Variants in FKTN observed in about 807,000 individuals in gnomAD.
FKTN encodes the protein ribitol-5-phosphate transferase FKTN.
A neutral mutation model predicts 58.6 loss-of-function variants in FKTN; 47 were observed. The ratio of observed to expected loss-of-function variants is 0.80; its 90% CI spans 0.63 to 1.02. The LOEUF is 1.02. Among genes scored for constraint, FKTN ranks in the 50% least tolerant of loss-of-function variants. The probability of loss-of-function intolerance (pLI) is 0.00; values close to 1 mark genes in which losing one functional copy is unlikely to be tolerated. For missense variants in FKTN, 516 were observed against 537.3 expected (o/e 0.96, Z 0.39); for synonymous variants, 178 against 191.9 (o/e 0.93, Z 0.60).
intron 5 of FKTN, among the ~76,000 whole-genome samples, chr9:105,601,590 T>G (rs1827882962): frequency 6.6e-6 from 1 of 152,214 alleles, no homozygotes; most frequent in African/African-American, 2.4e-5. Context: ...AGCTAGCCAC[T>G]GATGTCAGGA....
In FKTN at chr9:105,615,374, G is replaced by C. The variant is rs146900302; in HGVS notation, c.877G>C (p.Val293Leu). 4.3e-5 allele frequency: 70 copies of C among 1,613,872 alleles called. No homozygotes were observed. Among genetic ancestry groups the C allele is most frequent in the Non-Finnish European group, 5.8e-5 (68 of 1,179,862 alleles). The change falls in exon 8 of 11, where the codon GTA (valine) becomes CTA (leucine). Residue 293 changes from valine to leucine, a missense_variant. By Grantham distance (32) the Val-to-Leu change is conservative. Transcript: ENST00000357998. ...LAAKTLNKLG[V>L]PFWLSSGTCL... ...AGCGAAAACATTAAACAAATTGGGAGTACCATTCTGGCTGAGCAGTGGAAC... is the reference window on the plus strand; with the variant it reads ...AGCGAAAACATTAAACAAATTGGGACTACCATTCTGGCTGAGCAGTGGAAC...
intron 10 of FKTN, among the ~76,000 whole-genome samples, chr9:105,628,953 A>T (rs1232812213): frequency 1.3e-5 from 2 of 152,324 alleles, no homozygotes; most frequent in Middle Eastern, 3.4e-3. Flanking sequence ...ACTTTGGACG[A>T]GGGGTTGGTA....
intron 3 of FKTN, among the ~76,000 whole-genome samples, chr9:105,582,138 A>C (rs952074607): frequency 6.6e-6 from 1 of 152,094 alleles, no homozygotes; most frequent in African/African-American, 2.4e-5. Flanking sequence ...TGCGTCGCTC[A>C]TGCTGGGAGC....
intron 3 of FKTN, among the ~76,000 whole-genome samples, chr9:105,587,237 T>C (rs572294202): frequency 1.6e-4 from 24 of 152,194 alleles, no homozygotes; most frequent in Non-Finnish European, 3.2e-4. Flanking sequence ...AGCCCACTTA[T>C]AGAATTGGGT....
chr9:105,603,673 T>A (rs920441674), intron 5 of FKTN: 8 of 152,734 alleles, frequency 5.2e-5, no homozygotes, highest in African/African-American at 2.0e-4. Context: ...TCATAGAGTT[T>A]TTTTTGTTTT....
At chr9:105,633,039 A>G (rs1405884547) in intron 10 of FKTN, among the ~76,000 whole-genome samples, 2 of 152,088 alleles carry the variant, frequency 1.3e-5, no homozygotes, top group African/African-American at 4.8e-5. Context: ...CTACAATCCT[A>G]TTTTATAATC....
intron 1 of FKTN, among the ~76,000 whole-genome samples, chr9:105,559,955 T>C (rs1837981668): frequency 6.6e-6 from 1 of 152,124 alleles, no homozygotes; most frequent in African/African-American, 2.4e-5. Flanking sequence ...GAGTTCTTTT[T>C]AAAAAAGTTA....
Position 105,573,427 on chromosome 9 carries a change from C to T in FKTN, c.-180-228C>T, listed in dbSNP as rs116703997. 9.0e-3 allele frequency among the ~76,000 whole-genome samples: 1,374 copies of T among 152,128 alleles called. 21 individuals carry two copies. The highest frequency in any genetic ancestry group is 0.032 in the African/African-American group (1,316 of 41,476). ...TCTCTTGAGGCTGGGAGTTTAAGAC[C>T]AGCTTGGGCAACATAGCAAGACCCT... is the stretch of plus-strand genomic sequence containing the variant. On this transcript the variant is annotated intron_variant, in intron 1 of 10. Transcript: ENST00000357998.
rs1355156476 is a variant in FKTN, at chr9:105,601,360, G to A, written c.369+12G>A. 2 of 1,539,976 alleles carry A rather than the reference G, an allele frequency of 1.3e-6. No individual in the cohort carries two copies. The highest frequency in any genetic ancestry group is 1.8e-6 in the Non-Finnish European group (2 of 1,118,568). Reference sequence around the variant, plus strand: ...TATGGAAGAATGAGGTAAGTGACTTGCTTTCAGATAATGGAATGTGTCTCT... The same window carrying A: ...TATGGAAGAATGAGGTAAGTGACTTACTTTCAGATAATGGAATGTGTCTCT... On this transcript the variant is annotated intron_variant, in intron 5 of 10. Transcript: ENST00000357998.
intron 7 of FKTN, among the ~76,000 whole-genome samples, chr9:105,608,535 C>A (rs1259617844): frequency 6.6e-6 from 1 of 152,142 alleles, no homozygotes; most frequent in Non-Finnish European, 1.5e-5. Context: ...AAGTTCAGCT[C>A]TAAGAGATGA....
At chr9:105,558,650 A>G (rs1187857787) in intron 1 of FKTN, among the ~76,000 whole-genome samples, 1 of 151,704 alleles carries the variant, frequency 6.6e-6, no homozygotes, top group African/African-American at 2.4e-5. Flanking sequence ...AAAAAAAAAA[A>G]GGACCTAGAT....
chr9:105,639,360 A>G lies in FKTN; in HGVS notation c.*4096A>G. 4 of 898,418 alleles carry G rather than the reference A, an allele frequency of 4.5e-6. No individual in the cohort carries two copies. The highest frequency in any genetic ancestry group is 5.3e-6 in the Non-Finnish European group (4 of 750,498). The allele number at this position is 898,418 out of a possible 1,614,324, so 55.7% of individuals were successfully genotyped here. A position where few individuals can be genotyped will look rare whatever the true frequency, so the allele number is the denominator to read the frequency against. On this transcript the variant is annotated 3_prime_UTR_variant, in exon 11 of 11. Transcript: ENST00000357998. ...CCACAAGCTTTTGAGTTAGGCCTGA[A>G]TTTGAATTTCAGCTTAATCATGTGG...
intron 7 of FKTN, among the ~76,000 whole-genome samples, chr9:105,612,605 A>G (rs1830138510): frequency 6.6e-6 from 1 of 152,232 alleles, no homozygotes; most frequent in Non-Finnish European, 1.5e-5. Flanking sequence ...AATTTATAGC[A>G]GATGTTTAAG....
At chr9:105,575,161 TC>T (rs1841439517) in intron 3 of FKTN, 24 bp downstream of exon 3, 1 of 1,194,342 alleles carries the variant, frequency 8.4e-7, no homozygotes, top group Non-Finnish European at 1.3e-6. Flanking sequence ...TTCTTTCTTA[TC>T]ATTCCTCCTT....
rs1834157065 is a variant in FKTN, at chr9:105,637,972, G to A, written c.*2708G>A. 7 of 985,244 alleles carry A rather than the reference G, an allele frequency of 7.1e-6. No individual in the cohort carries two copies. The highest frequency in any genetic ancestry group is 8.4e-6 in the Non-Finnish European group (7 of 829,924). The allele number at this position is 985,244 out of a possible 1,614,324, so 61.0% of individuals were successfully genotyped here. ...CTGCAAAACCTGAAATTGACCACTA[G>A]GTGACAGAATGTTTGCCAGTATCCC... On this transcript the variant is annotated 3_prime_UTR_variant, in exon 11 of 11. Transcript: ENST00000357998.
In FKTN at chr9:105,635,755, T is replaced by C. The variant is rs1833985480; in HGVS notation, c.*491T>C. 9.9e-7 allele frequency: 1 copy of C among 1,010,652 alleles called. No individual in the cohort carries two copies. Among genetic ancestry groups the C allele is most frequent in the African/African-American group, 1.7e-5 (1 of 57,642 alleles). 62.6% of individuals were successfully genotyped at this position (1,010,652 alleles called of 1,614,324 possible). A position where few individuals can be genotyped will look rare whatever the true frequency, so the allele number is the denominator to read the frequency against. ...GGAGTCTGAGTTAATATTCAAGTGA[T>C]CAGACTTTGAGTGACATCAAGAAAA... On this transcript the variant is annotated 3_prime_UTR_variant, in exon 11 of 11. Transcript: ENST00000357998.
intron 3 of FKTN, among the ~76,000 whole-genome samples, chr9:105,594,120 T>C (rs1236713487): frequency 1.3e-5 from 2 of 152,192 alleles, no homozygotes; most frequent in Non-Finnish European, 2.9e-5. Context: ...AATGTCTTTG[T>C]CCAGTCAAGG....
In FKTN at chr9:105,569,204, G is replaced by T. The variant is rs552796623; in HGVS notation, c.-180-4451G>T. 8.5e-3 allele frequency among the ~76,000 whole-genome samples: 1,294 copies of T among 151,886 alleles called. 12 individuals carry two copies. Among genetic ancestry groups the T allele is most frequent in the Middle Eastern group, 0.024 (7 of 292 alleles). ...ACCTAATGTAAATGATGAGTTAATGGGTACAGCACACCAACATGGCACATG... is the reference window on the plus strand; with the variant it reads ...ACCTAATGTAAATGATGAGTTAATGTGTACAGCACACCAACATGGCACATG... On this transcript the variant is annotated intron_variant, in intron 1 of 10. Transcript: ENST00000357998.
At chr9:105,611,549 G>C (rs189621229) in intron 7 of FKTN, among the ~76,000 whole-genome samples, 1 of 151,928 alleles carries the variant, frequency 6.6e-6, no homozygotes, top group Non-Finnish European at 1.5e-5. Flanking sequence ...CCCTCTATGC[G>C]TCCATGTGTT....
Sources: allele counts gnomAD v4.1 joint callset (sites outside exome capture counted in the v4.1 genomes callset), GRCh38; gene constraint gnomAD v4.1.1; transcripts MANE v1.5; gene names NCBI Gene and HGNC (gene_info 2026-07-23, HGNC 2026-07-21).